The following ERICH3 variants were observed in gnomAD, a reference collection of about 807,000 sequenced individuals.
ERICH3 encodes glutamate rich 3.
In ERICH3, 126 loss-of-function variants were observed where a neutral mutation model predicts 131.1. The observed-to-expected ratio is 0.96, with a 90% CI of 0.83 to 1.11. The LOEUF is 1.11. ERICH3 is among the 50% of genes most tolerant of loss of function. ERICH3 has a pLI of 0.00. For synonymous variants in ERICH3, 695 were observed against 644.6 expected, an observed-to-expected ratio of 1.08 and a Z score of -1.18; for missense variants, 2,050 against 1,810.7, an observed-to-expected ratio of 1.13 and a Z score of -2.40.
intron 12 of ERICH3, among the ~76,000 whole-genome samples, chr1:74,588,321 C>A (rs2100558722): frequency 6.6e-6 from 1 of 152,302 alleles, no homozygotes; most frequent in South Asian, 2.1e-4. Context: ...CATGGGACTA[C>A]TAACCTTTGT....
chr1:74,673,542 C>G lies in ERICH3; in HGVS notation c.-23G>C. On this transcript the variant is annotated 5_prime_UTR_variant, in exon 1 of 15. Coordinates refer to ENST00000326665, the MANE Select transcript of ERICH3 (RefSeq NM_001002912.5). ...CATTTTTGCAGGATCCCTTTTGGAC[C>G]CCGCGGCAGGTGCGGAGGGTGGGTG... 6.2e-7 allele frequency: 1 copy of G among 1,610,386 alleles called. No individual in the cohort carries two copies. The highest frequency in any genetic ancestry group is 8.5e-7 in the Non-Finnish European group (1 of 1,178,624).
At chr1:74,633,182 A>G (rs1355123305) in intron 6 of ERICH3, among the ~76,000 whole-genome samples, 1 of 151,820 alleles carries the variant, frequency 6.6e-6, no homozygotes, top group East Asian at 1.9e-4. Flanking sequence ...AATATCTCTC[A>G]TTGCTAAATG....
Position 74,673,582 on chromosome 1 carries a change from C to A in ERICH3, c.-63G>T. On this transcript the variant is annotated 5_prime_UTR_variant, in exon 1 of 15. Coordinates refer to ENST00000326665, the MANE Select transcript of ERICH3 (RefSeq NM_001002912.5). ...GAGGGTGGGTGCGTGGGGCCCCGTG[C>A]GCGCTGGCGCTGCGACAGTCGCGCT... is the stretch of plus-strand genomic sequence containing the variant. 2 of 1,574,760 alleles carry A rather than the reference C, an allele frequency of 1.3e-6. No homozygotes were observed. The highest frequency in any genetic ancestry group is 1.7e-6 in the Non-Finnish European group (2 of 1,155,474).
At chr1:74,616,208 C>T (rs776303377) in intron 8 of ERICH3, among the ~76,000 whole-genome samples, 66 of 151,736 alleles carry the variant, frequency 4.3e-4, no homozygotes, top group African/African-American at 1.2e-3. Context: ...TTAGTAGAGA[C>T]GGGGTTTCGC....
chr1:74,643,395 A>T (rs542590335), intron 3 of ERICH3, among the ~76,000 whole-genome samples: 5 of 152,244 alleles, frequency 3.3e-5, no homozygotes, highest in Admixed American at 3.3e-4. Flanking sequence ...ATGCACAAAG[A>T]TGCTATCTGA....
In ERICH3 at chr1:74,573,479, T is replaced by C; in HGVS notation, c.2231A>G (p.Asn744Ser). The C allele has an allele frequency of 4.6e-6, 7 of 1,515,628 alleles. No individual in the cohort carries two copies. The highest frequency in any genetic ancestry group is 6.2e-6 in the Non-Finnish European group (7 of 1,136,094). The allele number at this position is 1,515,628 out of a possible 1,614,324, so 93.9% of individuals were successfully genotyped here. ...YVLALGAPTMNFMVDETAAIN... is the reference protein window; with the variant it reads ...YVLALGAPTMSFMVDETAAIN... Reference sequence around the variant, plus strand: ...TGCTGCTGTTTCATCCACCATGAAATTCATTGTTGGTGCTATAAAAATAAG... The same window carrying C: ...TGCTGCTGTTTCATCCACCATGAAACTCATTGTTGGTGCTATAAAAATAAG... The change falls in exon 14 of 15, where the codon AAT becomes AGT. Residue 744 changes from asparagine (N) to serine (S), a missense_variant. Asn to Ser is a conservative substitution (Grantham distance 46). Coordinates refer to ENST00000326665, the MANE Select transcript of ERICH3 (RefSeq NM_001002912.5).
intron 1 of ERICH3, among the ~76,000 whole-genome samples, chr1:74,671,666 A>G (rs1332876281): frequency 6.6e-6 from 1 of 152,228 alleles, no homozygotes; most frequent in Non-Finnish European, 1.5e-5. Context: ...CATGAGTGGG[A>G]AGATTTAATA....
Position 74,573,033 on chromosome 1 carries a change from A to T in ERICH3, c.2677T>A (p.Ser893Thr). Residue 893 changes from serine (S) to threonine (T), a missense_variant, in exon 14 of 15, where the codon TCT (serine) becomes ACT (threonine). By Grantham distance (58) the Ser-to-Thr change is moderately conservative (BLOSUM62 1). Transcript: ENST00000326665. ...TTCTCTAAACCCTGTTCCCCTTCAG[A>T]AGCTGCTTTGTCTGTCTCAAGCACT... ...LTVLETDKAASEGEQGLEKAV... is the reference protein window; with the variant it reads ...LTVLETDKAATEGEQGLEKAV... The T allele has an allele frequency of 1.2e-6, 2 of 1,614,108 alleles. No homozygotes were observed. Among genetic ancestry groups the T allele is most frequent in the Non-Finnish European group, 1.7e-6 (2 of 1,180,012 alleles).
At chr1:74,573,747 A>AGCTGATCAT (rs1388910354) in intron 13 of ERICH3, among the ~76,000 whole-genome samples, 3 of 152,162 alleles carry the variant, frequency 2.0e-5, no homozygotes, top group Non-Finnish European at 4.4e-5. Flanking sequence ...ATTAAAGAAA[A>AGCTGATCAT]GCTGATCATC....
chr1:74,639,330 T>G (rs1013297885), intron 5 of ERICH3, among the ~76,000 whole-genome samples: 2 of 152,208 alleles, frequency 1.3e-5, no homozygotes, highest in African/African-American at 4.8e-5. Context: ...TAAATTTTAC[T>G]TCCCTACATT....
At position 74,673,610 on chromosome 1, in the gene ERICH3, A is replaced by G. The variant is rs1039377351; in HGVS notation, c.-91T>C. On this transcript the variant is annotated 5_prime_UTR_variant, in exon 1 of 15. Transcript: ENST00000326665. ...GCTGGCGCTGCGACAGTCGCGCTCG[A>G]GGGGTGGCTCCGCACCGAGGTCCCC... 37 of 1,471,260 alleles carry G rather than the reference A, an allele frequency of 2.5e-5. No individual in the cohort carries two copies. The highest frequency in any genetic ancestry group is 3.4e-5 in the Non-Finnish European group (36 of 1,070,348). 91.1% of individuals were successfully genotyped at this position (1,471,260 alleles called of 1,614,324 possible). A position where few individuals can be genotyped will look rare whatever the true frequency, so the allele number is the denominator to read the frequency against.
rs749214410 is a variant in ERICH3 at position 74,620,811 on chromosome 1, C to A, written c.923G>T (p.Arg308Leu). ...VHLSSDNPDF[R>L]DEIKVYQQHC... ...CTGCTGATAAACTTTAATTTCATCC[C>A]GGAAGTCAGGATTATCAGAAGATAG... is the stretch of plus-strand genomic sequence containing the variant. The change falls in exon 8 of 15, where the codon CGG becomes CTG. Residue 308 changes from arginine to leucine, a missense_variant. Transcript: ENST00000326665. The A allele has an allele frequency of 6.2e-7, 1 of 1,613,350 alleles. No homozygotes were observed. Among genetic ancestry groups the A allele is most frequent in the South Asian group, 1.1e-5 (1 of 91,014 alleles).
Position 74,572,213 on chromosome 1 carries a change from G to T in ERICH3, c.3497C>A (p.Ser1166Ter), listed in dbSNP as rs570422769. ...IFEATPGFEK[S>*]LENITALRKE... is the part of the protein sequence containing the mutation. Reference sequence around the variant, plus strand: ...CCTCAGAGCTGTTATGTTTTCCAGCGACTTTTCAAATCCAGGCGTTGCTTC... The same window carrying T: ...CCTCAGAGCTGTTATGTTTTCCAGCTACTTTTCAAATCCAGGCGTTGCTTC... The change falls in exon 14 of 15, where the codon TCG becomes TAG. Residue 1166 changes from serine (S) to a stop codon, truncating the protein, a stop_gained. Coordinates refer to ENST00000326665, the MANE Select transcript of ERICH3 (RefSeq NM_001002912.5). LOFTEE classifies it high-confidence loss of function. The T allele has an allele frequency of 3.2e-5, 52 of 1,614,020 alleles. 1 individual carries two copies. The South Asian group carries it at 5.6e-4, about 17-fold the overall frequency.
chr1:74,673,405 G>A lies in ERICH3; in HGVS notation c.23+92C>T. ...CAGCCCTCCCCCTCGCTCCCCTCTC[G>A]CCCCTTCCCTCCGCAGCAGGAGGGA... On this transcript the variant is annotated intron_variant, in intron 1 of 14. Coordinates refer to ENST00000326665, the MANE Select transcript of ERICH3 (RefSeq NM_001002912.5). 1.3e-5 allele frequency: 20 copies of A among 1,498,536 alleles called. No individual in the cohort carries two copies. The South Asian group carries it at 2.1e-4, about 16-fold the overall frequency. The allele number at this position is 1,498,536 out of a possible 1,614,324, so 92.8% of individuals were successfully genotyped here.
Position 74,612,718 on chromosome 1 carries a change from GGAGCTTAACCT to G in ERICH3, c.1081_1091del (p.Arg361LeufsTer3). On this transcript the variant is annotated frameshift_variant, in exon 9 of 15. Coordinates refer to ENST00000326665, the MANE Select transcript of ERICH3 (RefSeq NM_001002912.5). LOFTEE classifies it high-confidence loss of function. Reference sequence around the variant, plus strand: ...CTTTCCGATGCTTGTATTCACAACAGGAGCTTAACCTGTTCACCTGCATCCCATTCAGGAAA... The same window carrying G: ...CTTTCCGATGCTTGTATTCACAACAGGTTCACCTGCATCCCATTCAGGAAA... The G allele has an allele frequency of 6.2e-7, 1 of 1,607,216 alleles. No individual in the cohort carries two copies. Among genetic ancestry groups the G allele is most frequent in the Non-Finnish European group, 8.5e-7 (1 of 1,174,878 alleles).
chr1:74,615,948 G>A (rs1648942634), intron 8 of ERICH3, among the ~76,000 whole-genome samples: 1 of 152,116 alleles, frequency 6.6e-6, no homozygotes, highest in African/African-American at 2.4e-5. Context: ...GGGAAGGTCA[G>A]AGGTTCTATG....
intron 12 of ERICH3, 187 bp from the exon 13 acceptor site, chr1:74,577,123 T>C (rs1647074392): frequency 5.7e-6 from 3 of 525,938 alleles, no homozygotes. Flanking sequence ...CTAATGTTCT[T>C]TTATTTAATC....
intron 8 of ERICH3, among the ~76,000 whole-genome samples, chr1:74,614,871 G>T (rs1179159388): frequency 6.6e-6 from 1 of 152,114 alleles, no homozygotes; most frequent in Admixed American, 6.5e-5. Context: ...AATGATAAAT[G>T]GACTCCTCAG....
At chr1:74,656,131 T>C (rs1035931897) in intron 1 of ERICH3, among the ~76,000 whole-genome samples, 1 of 152,176 alleles carries the variant, frequency 6.6e-6, no homozygotes, top group Admixed American at 6.5e-5. Context: ...TATCTGGGTT[T>C]CCTAGAAAGA....
Sources: gnomAD v4.1 joint callset for allele counts (sites outside exome capture counted in the v4.1 genomes callset) on GRCh38, gnomAD v4.1.1 for gene constraint, MANE v1.5 for transcripts, NCBI Gene and HGNC (gene_info 2026-07-23, HGNC 2026-07-21) for gene names.